Variants in OBI1 observed in about 807,000 individuals in gnomAD.
The protein encoded by OBI1 is ring finger protein 219.
A neutral mutation model predicts 62.4 loss-of-function variants in OBI1; 59 were observed. That is an observed-to-expected ratio of 0.95 (90% CI 0.77 to 1.17). The LOEUF (loss-of-function observed/expected upper bound fraction) is 1.17, where lower values mean the gene tolerates loss of function less well. OBI1 is among the 50% of genes most tolerant of loss of function. The probability of loss-of-function intolerance (pLI) is 0.00; values close to 1 mark genes in which losing one functional copy is unlikely to be tolerated. For missense variants in OBI1, 875 were observed against 830.9 expected (o/e 1.05, Z -0.65); for synonymous variants, 302 against 292.8 (o/e 1.03, Z -0.32).
chr13:78,617,347 G>A (rs1250019292), intron 5 of OBI1: 2 of 413,864 alleles, frequency 4.8e-6, no homozygotes, highest in African/African-American at 2.1e-5. Context: ...GGATATTTTT[G>A]TGGTTAAATC....
At chr13:78,629,813 A>T (rs1165311739) in intron 5 of OBI1, among the ~76,000 whole-genome samples, 1 of 152,080 alleles carries the variant, frequency 6.6e-6, no homozygotes, top group Non-Finnish European at 1.5e-5. Context: ...TTAGAGTAGA[A>T]AGTGGTGGAT....
At chr13:78,619,148 T>C (rs1362905594) in intron 5 of OBI1, among the ~76,000 whole-genome samples, 1 of 152,016 alleles carries the variant, frequency 6.6e-6, no homozygotes, top group East Asian at 1.9e-4. Context: ...TGCTACTACA[T>C]AGTAAGTCAG....
intron 5 of OBI1, among the ~76,000 whole-genome samples, chr13:78,626,156 C>G (rs187266549): frequency 1.4e-4 from 22 of 152,282 alleles, no homozygotes; most frequent in African/African-American, 4.3e-4. Flanking sequence ...GTTTCTCTTT[C>G]TAACTCTGAA....
chr13:78,640,184 G>A (rs1876169869), intron 3 of OBI1, among the ~76,000 whole-genome samples: 1 of 151,206 alleles, frequency 6.6e-6, no homozygotes, highest in Admixed American at 6.6e-5. Flanking sequence ...ATTGAGGGGG[G>A]CCGGGTTAAA....
Position 78,639,002 on chromosome 13 carries a change from T to C in OBI1, c.370A>G (p.Ile124Val). 6.2e-7 allele frequency: 1 copy of C among 1,613,972 alleles called. No homozygotes were observed. Residue 124 changes from isoleucine to valine, a missense_variant, in exon 4 of 6, where the codon ATC (isoleucine) becomes GTC (valine). Coordinates refer to ENST00000282003, the MANE Select transcript of OBI1 (RefSeq NM_024546.4). ...GTTAAAGGATCCAGAATAGTTTTGA[T>C]CTGTGACTCCAAGCTGAGATTTTTA... ...KSKNLSLESQ[I>V]KTILDPLTLV...
chr13:78,642,318 C>T (rs1038642662), intron 2 of OBI1, 105 bp from the exon 3 acceptor site: 8 of 708,224 alleles, frequency 1.1e-5, no homozygotes, highest in African/African-American at 3.6e-5. Context: ...TTCACATCTA[C>T]CCTTCCCCTT....
At chr13:78,621,855 T>C (rs1875522813) in intron 5 of OBI1, among the ~76,000 whole-genome samples, 2 of 152,202 alleles carry the variant, frequency 1.3e-5, no homozygotes, top group Non-Finnish European at 1.5e-5. Flanking sequence ...TGCTGGAAGT[T>C]GATGCAAACT....
intron 5 of OBI1, chr13:78,617,359 G>C (rs1012369388): frequency 1.6e-5 from 6 of 384,646 alleles, no homozygotes; most frequent in Non-Finnish European, 2.8e-5. Context: ...GGTTAAATCA[G>C]ATCTATGGTA....
intron 5 of OBI1, among the ~76,000 whole-genome samples, chr13:78,634,649 T>G (rs1463203514): frequency 6.6e-6 from 1 of 152,184 alleles, no homozygotes; most frequent in Non-Finnish European, 1.5e-5. Context: ...TAAATTAATT[T>G]AAACTCTTTA....
In OBI1 at chr13:78,616,503, A is replaced by C; in HGVS notation, c.1258T>G (p.Ser420Ala). The C allele has an allele frequency of 6.2e-7, 1 of 1,614,170 alleles. No individual in the cohort carries two copies. Among genetic ancestry groups the C allele is most frequent in the Non-Finnish European group, 8.5e-7 (1 of 1,180,026 alleles). ...AACACCAATTTTCTGAGATGGTTTGAGTGCTTTTTGGAACCTCCTGCTTGG... is the reference window on the plus strand; with the variant it reads ...AACACCAATTTTCTGAGATGGTTTGCGTGCTTTTTGGAACCTCCTGCTTGG... Reference protein sequence around the residue: ...VVQAGGSKKHSNHLRKLVFDD... With the variant: ...VVQAGGSKKHANHLRKLVFDD... The change falls in exon 6 of 6, where the codon TCA (serine) becomes GCA (alanine). Residue 420 changes from serine (S) to alanine (A), a missense_variant. Ser to Ala is a moderately conservative substitution (Grantham distance 99, BLOSUM62 1). Coordinates refer to ENST00000282003, the MANE Select transcript of OBI1 (RefSeq NM_024546.4).
chr13:78,625,428 T>C (rs1324179162), intron 5 of OBI1, among the ~76,000 whole-genome samples: 1 of 152,152 alleles, frequency 6.6e-6, no homozygotes, highest in Non-Finnish European at 1.5e-5. Flanking sequence ...AACAAAAAAC[T>C]GATCTAGATA....
At chr13:78,651,711 G>A (rs2137468625) in intron 1 of OBI1, among the ~76,000 whole-genome samples, 1 of 152,208 alleles carries the variant, frequency 6.6e-6, no homozygotes, top group South Asian at 2.1e-4. Flanking sequence ...CCAAGTCTTT[G>A]ATAGGGCACT....
rs758260793 is a variant in OBI1 at position 78,659,117 on chromosome 13, C to T, written c.4G>A (p.Ala2Thr). The T allele has an allele frequency of 8.7e-6, 14 of 1,611,064 alleles. No individual in the cohort carries two copies. Among genetic ancestry groups the T allele is most frequent in the South Asian group, 1.1e-5 (1 of 90,670 alleles). MAQTVQNVTLSL... is the reference protein window; with the variant it reads MTQTVQNVTLSL... ...AATGTAACATTCTGCACGGTCTGAGCCATGGCAGCGTTCAGAATCCCGCCA... is the reference window on the plus strand; with the variant it reads ...AATGTAACATTCTGCACGGTCTGAGTCATGGCAGCGTTCAGAATCCCGCCA... Residue 2 changes from alanine (A) to threonine (T), a missense_variant, in exon 1 of 6, where the codon GCT becomes ACT. Physicochemically the swap from Ala to Thr is moderately conservative, Grantham distance 58. Transcript: ENST00000282003.
intron 5 of OBI1, among the ~76,000 whole-genome samples, chr13:78,629,515 G>C (rs1875783451): frequency 6.6e-6 from 1 of 152,084 alleles, no homozygotes; most frequent in South Asian, 2.1e-4. Flanking sequence ...CAGAGACATG[G>C]AGAGAGGGCA....
intron 1 of OBI1, among the ~76,000 whole-genome samples, chr13:78,655,803 T>C (rs1876684724): frequency 6.6e-6 from 1 of 152,134 alleles, no homozygotes; most frequent in Non-Finnish European, 1.5e-5. Context: ...CGAAGGACCT[T>C]AGGAACATTC....
chr13:78,620,445 G>T (rs1447430094), intron 5 of OBI1, among the ~76,000 whole-genome samples: 1 of 152,194 alleles, frequency 6.6e-6, no homozygotes, highest in Admixed American at 6.5e-5. Flanking sequence ...AGACCAAAAG[G>T]CTTTGATTTT....
At chr13:78,638,703 A>G (rs1265184839) in intron 4 of OBI1, 120 bp downstream of exon 4, 1 of 896,668 alleles carries the variant, frequency 1.1e-6, no homozygotes, top group Non-Finnish European at 1.7e-6. Context: ...GCTCATCCAG[A>G]GATTCTGTCC....
intron 2 of OBI1, among the ~76,000 whole-genome samples, chr13:78,643,158 G>A (rs992319441): frequency 4.6e-5 from 7 of 152,122 alleles, no homozygotes; most frequent in Non-Finnish European, 7.4e-5. Flanking sequence ...AAAAATGGAT[G>A]AACTATTTTC....
intron 1 of OBI1, among the ~76,000 whole-genome samples, chr13:78,653,964 T>C (rs1288100106): frequency 6.7e-6 from 1 of 149,212 alleles, no homozygotes; most frequent in Non-Finnish European, 1.5e-5. Context: ...AATTCCTGGA[T>C]AGCTCTTGGT....
Sources: allele counts gnomAD v4.1 joint callset (sites outside exome capture counted in the v4.1 genomes callset), GRCh38; gene constraint gnomAD v4.1.1; transcripts MANE v1.5; gene names NCBI Gene and HGNC (gene_info 2026-07-23, HGNC 2026-07-21).